ASIC2: variants seen among roughly 807,000 people sequenced by gnomAD.
The protein encoded by ASIC2 is acid-sensing ion channel 2.
A neutral mutation model predicts 57.3 loss-of-function variants in ASIC2; 25 were observed. The ratio of observed to expected loss-of-function variants is 0.44; its 90% CI spans 0.32 to 0.61. The LOEUF is 0.61. ASIC2 is among the 20% of genes least tolerant of loss of function. The pLI, the probability that ASIC2 is intolerant of heterozygous loss-of-function variation, is 0.06. For missense variants in ASIC2, 641 were observed against 738.1 expected (o/e 0.87, Z 1.52); for synonymous variants, 319 against 307.5 (o/e 1.04, Z -0.39).
chr17:33,787,136 G>T (rs138380362), intron 1 of ASIC2, among the ~76,000 whole-genome samples: 1 of 152,174 alleles, frequency 6.6e-6, no homozygotes, highest in African/African-American at 2.4e-5. Context: ...CTCTCACAGC[G>T]TGCTCACAAA....
At chr17:33,439,739 T>C (rs1009975699) in intron 1 of ASIC2, among the ~76,000 whole-genome samples, 1 of 152,144 alleles carries the variant, frequency 6.6e-6, no homozygotes, top group African/African-American at 2.4e-5. Flanking sequence ...CACTGGACAT[T>C]TGTAAACATC....
intron 1 of ASIC2, among the ~76,000 whole-genome samples, chr17:33,381,788 C>T (rs751109308): frequency 7.9e-5 from 12 of 152,226 alleles, no homozygotes; most frequent in Non-Finnish European, 1.6e-4. Flanking sequence ...CAAATCCCAA[C>T]TCCTCCATTA....
At chr17:33,448,693 C>T (rs1436967921) in intron 1 of ASIC2, among the ~76,000 whole-genome samples, 1 of 152,204 alleles carries the variant, frequency 6.6e-6, no homozygotes, top group Non-Finnish European at 1.5e-5. Context: ...AAACAGGCTT[C>T]AGACTTCTGG....
At chr17:33,824,450 T>G (rs988830026) in intron 1 of ASIC2, among the ~76,000 whole-genome samples, 2 of 151,854 alleles carry the variant, frequency 1.3e-5, no homozygotes, top group Non-Finnish European at 2.9e-5. Context: ...TATACATATA[T>G]ATAATTTTTT....
chr17:33,344,283 G>A (rs1210017735), intron 1 of ASIC2, among the ~76,000 whole-genome samples: 1 of 152,208 alleles, frequency 6.6e-6, no homozygotes, highest in African/African-American at 2.4e-5. Context: ...AGGGGGAGCA[G>A]ATGCCTGTTG....
intron 1 of ASIC2, among the ~76,000 whole-genome samples, chr17:33,616,281 G>A (rs1905601472): frequency 6.6e-6 from 1 of 152,026 alleles, no homozygotes; most frequent in Non-Finnish European, 1.5e-5. Context: ...TGGGATGCAG[G>A]TACCAGCCAT....
intron 1 of ASIC2, among the ~76,000 whole-genome samples, chr17:33,305,593 C>T (rs1473683204): frequency 1.3e-5 from 2 of 152,172 alleles, no homozygotes; most frequent in Non-Finnish European, 1.5e-5. Context: ...TTGGGGCAAA[C>T]TCCACACATT....
At chr17:33,406,656 C>A (rs2141962056) in intron 1 of ASIC2, among the ~76,000 whole-genome samples, 1 of 152,318 alleles carries the variant, frequency 6.6e-6, no homozygotes, top group Non-Finnish European at 1.5e-5. Context: ...ATGTGTAAAA[C>A]ATTTAGAACA....
chr17:34,060,624 T>G (rs773516934), intron 1 of ASIC2, among the ~76,000 whole-genome samples: 30 of 151,980 alleles, frequency 2.0e-4, no homozygotes, highest in Non-Finnish European at 8.8e-5. Flanking sequence ...GGAGAAATAT[T>G]CAAGGGAATA....
chr17:33,110,381 G>A (rs1016881204), intron 2 of ASIC2, among the ~76,000 whole-genome samples: 1 of 152,120 alleles, frequency 6.6e-6, no homozygotes, highest in African/African-American at 2.4e-5. Flanking sequence ...CCAGAGATCA[G>A]AACGGACACA....
rs554589359 is a variant in ASIC2, at chr17:33,130,130, A to G, written c.709-18063T>C. ...CTGGGTGTCTTCTTTAGCCTCTTGA[A>G]CCTGGTGCCTTCTCTACTGAGGTTA... On this transcript the variant is annotated intron_variant, in intron 1 of 9. Coordinates refer to ENST00000225823, the MANE Select transcript of ASIC2 (RefSeq NM_183377.2). 2.6e-5 allele frequency among the ~76,000 whole-genome samples: 4 copies of G among 152,208 alleles called. No homozygotes were observed. The South Asian group carries it at 6.2e-4, about 24-fold the overall frequency.
At chr17:33,220,296 T>A (rs1045563104) in intron 1 of ASIC2, among the ~76,000 whole-genome samples, 10 of 152,194 alleles carry the variant, frequency 6.6e-5, no homozygotes, top group African/African-American at 2.4e-4. Context: ...TTCCTTCTAT[T>A]GACATGAAAT....
At chr17:33,194,963 G>A (rs913403097) in intron 1 of ASIC2, among the ~76,000 whole-genome samples, 1 of 152,198 alleles carries the variant, frequency 6.6e-6, no homozygotes, top group Non-Finnish European at 1.5e-5. Flanking sequence ...TTAGGGAATG[G>A]TGACAGCACC....
At chr17:33,032,101 C>T (rs1489518153) in intron 3 of ASIC2, among the ~76,000 whole-genome samples, 2 of 152,162 alleles carry the variant, frequency 1.3e-5, no homozygotes, top group African/African-American at 4.8e-5. Flanking sequence ...GATCTATTTA[C>T]ACTTAATGCA....
At position 33,969,089 on chromosome 17, in the gene ASIC2, C is replaced by T. The variant is rs1257490775; in HGVS notation, c.555+186889G>A. 3.3e-5 allele frequency among the ~76,000 whole-genome samples: 5 copies of T among 152,118 alleles called. No homozygotes were observed. The East Asian group carries it at 5.8e-4, about 18-fold the overall frequency. On this transcript the variant is annotated intron_variant, in intron 1 of 9. Transcript: ENST00000359872. ...AATTGATTCTGGAGTGGGGTTCAGA[C>T]GTCTGTATTTGCATAAGACTCTCCA...
chr17:33,493,989 AC>A (rs1299952433), intron 1 of ASIC2, among the ~76,000 whole-genome samples: 2 of 152,244 alleles, frequency 1.3e-5, no homozygotes, highest in Non-Finnish European at 2.9e-5. Flanking sequence ...GGAGACTCTT[AC>A]AGCCAACCTG....
At chr17:33,745,388 G>A (rs1910227630) in intron 1 of ASIC2, among the ~76,000 whole-genome samples, 1 of 141,576 alleles carries the variant, frequency 7.1e-6, no homozygotes, top group South Asian at 2.2e-4. Context: ...AATAATGGCT[G>A]AAAAACCCCA....
intron 3 of ASIC2, among the ~76,000 whole-genome samples, chr17:33,071,539 T>C (rs778261063): frequency 6.6e-6 from 1 of 152,216 alleles, no homozygotes; most frequent in Non-Finnish European, 1.5e-5. Context: ...TTCTGGGTTA[T>C]TTTAATTGAT....
intron 1 of ASIC2, among the ~76,000 whole-genome samples, chr17:33,669,852 G>C (rs1178296419): frequency 6.6e-6 from 1 of 152,174 alleles, no homozygotes; most frequent in African/African-American, 2.4e-5. Context: ...AGACAAAGCA[G>C]AATTATCAGG....
Sources: gnomAD v4.1 joint callset for allele counts (sites outside exome capture counted in the v4.1 genomes callset) on GRCh38, gnomAD v4.1.1 for gene constraint, MANE v1.5 for transcripts, NCBI Gene and HGNC (gene_info 2026-07-23, HGNC 2026-07-21) for gene names.